ZNF28: variants seen among roughly 807,000 people sequenced by gnomAD.
The protein encoded by ZNF28 is zinc finger protein 28, also known as zinc finger protein KOX24.
A neutral mutation model predicts 7.2 loss-of-function variants in ZNF28; 5 were observed. The observed-to-expected ratio is 0.70, with a 90% CI of 0.36 to 1.46. The LOEUF is 1.46. ZNF28 is among the 40% of genes most tolerant of loss of function. The pLI, the probability that ZNF28 is intolerant of heterozygous loss-of-function variation, is 0.03. For missense variants in ZNF28, 879 were observed against 866.6 expected, an observed-to-expected ratio of 1.01 and a Z score of -0.18; for synonymous variants, 288 against 292.4, an observed-to-expected ratio of 0.99 and a Z score of 0.15.
chr19:52,797,591 A>G lies in ZNF28; in HGVS notation c.*2097T>C, dbSNP rs1051971070. The G allele has an allele frequency of 6.5e-6, 1 of 152,858 alleles. No individual in the cohort carries two copies. The highest frequency in any genetic ancestry group is 1.5e-5 in the Non-Finnish European group (1 of 68,044). 9.5% of individuals were successfully genotyped at this position (152,858 alleles called of 1,614,324 possible). A position where few individuals can be genotyped will look rare whatever the true frequency, so the allele number is the denominator to read the frequency against. ...CATTAAATAATTTTAAAATAAAATT[A>G]AAAACCACTTCCATTTGCTAAAGAG... is the stretch of plus-strand genomic sequence containing the variant. On this transcript the variant is annotated 3_prime_UTR_variant, in exon 4 of 4. Coordinates refer to ENST00000457749, the MANE Select transcript of ZNF28 (RefSeq NM_006969.5).
intron 3 of ZNF28, among the ~76,000 whole-genome samples, chr19:52,806,483 T>G (rs1450172657): frequency 4.6e-5 from 7 of 152,068 alleles, no homozygotes; most frequent in Admixed American, 3.9e-4. Flanking sequence ...TGTCAGCCAC[T>G]GCACACGTCC....
Position 52,812,356 on chromosome 19 carries a change from G to A in ZNF28, c.16-4223C>T, listed in dbSNP as rs541488624. Among the ~76,000 whole-genome samples the A allele has an allele frequency of 5.7e-5, 8 of 141,538 alleles. No homozygotes were observed. The East Asian group carries it at 7.9e-4, about 14-fold the overall frequency. The allele number at this position is 141,538 out of a possible 152,430, so 92.9% of individuals were successfully genotyped here. On this transcript the variant is annotated intron_variant, in intron 2 of 3. Coordinates refer to ENST00000457749, the MANE Select transcript of ZNF28 (RefSeq NM_006969.5). ...AGGGTGGGGAAGAAATTGAGAAATC[G>A]GATGATTGCCGGGTCTGTGTGGATA...
At chr19:52,821,058 G>A (rs1316452950) in intron 1 of ZNF28, among the ~76,000 whole-genome samples, 1 of 152,158 alleles carries the variant, frequency 6.6e-6, no homozygotes, top group Non-Finnish European at 1.5e-5. Flanking sequence ...CCTCTCCAAC[G>A]CGGGCTCAGG....
intron 3 of ZNF28, among the ~76,000 whole-genome samples, chr19:52,803,635 T>C (rs1820048332): frequency 6.6e-6 from 1 of 152,112 alleles, no homozygotes; most frequent in African/African-American, 2.4e-5. Flanking sequence ...CTTTCTGATA[T>C]ATGAGGTCAA....
chr19:52,801,693 G>C lies in ZNF28; in HGVS notation c.152C>G (p.Ser51Cys). ...GAAGAATGTCTTCATCATGCATTTGGAAGAGATATCTACAAAATATAAACA... is the reference window on the plus strand; with the variant it reads ...GAAGAATGTCTTCATCATGCATTTGCAAGAGATATCTACAAAATATAAACA... ...YRNLVSLDIS[S>C]KCMMKTFFST... Residue 51 changes from serine (S) to cysteine (C), a missense_variant, in exon 4 of 4, where the codon TCC becomes TGC. Around this residue, in one of 2 missense-constraint regions of ZNF28, gnomAD observed 864 missense variants for 830.2 expected, o/e 1.04. Coordinates refer to ENST00000457749, the MANE Select transcript of ZNF28 (RefSeq NM_006969.5). 1 of 1,610,868 alleles carries C rather than the reference G, an allele frequency of 6.2e-7. No homozygotes were observed. Among genetic ancestry groups the C allele is most frequent in the Non-Finnish European group, 8.5e-7 (1 of 1,178,636 alleles).
Position 52,802,761 on chromosome 19 carries a change from CTTT to C in ZNF28, c.143-1062_143-1060del, listed in dbSNP as rs11347464. ...TCCATGTGGAACAGGCACGTTGTGA[CTTT>C]TTTTTTTTTTTTTTGCGACGAAATC... On this transcript the variant is annotated intron_variant, in intron 3 of 3. Transcript: ENST00000457749. 7.4e-3 allele frequency among the ~76,000 whole-genome samples: 945 copies of C among 127,554 alleles called. 13 individuals are homozygous for C. Among genetic ancestry groups the C allele is most frequent in the African/African-American group, 0.025 (851 of 33,808 alleles). The allele number at this position is 127,554 out of a possible 152,430, so 83.7% of individuals were successfully genotyped here.
chr19:52,801,400 G>A lies in ZNF28; in HGVS notation c.445C>T (p.Pro149Ser), dbSNP rs377626728. The A allele has an allele frequency of 1.2e-5, 19 of 1,614,050 alleles. No individual in the cohort carries two copies. The African/African-American group carries it at 2.1e-4, about 18-fold the overall frequency. ...QLGLSFHSHLPELHIFQPEGK... is the reference protein window; with the variant it reads ...QLGLSFHSHLSELHIFQPEGK... ...TCAGGCTGAAATATGTGCAGTTCAG[G>A]CAGATGCGAATGAAAGCTTAATCCA... The change falls in exon 4 of 4, where the codon CCT becomes TCT. Residue 149 changes from proline (P) to serine (S), a missense_variant. By Grantham distance (74) the Pro-to-Ser change is moderately conservative. Transcript: ENST00000457749.
chr19:52,817,971 T>G lies in ZNF28; in HGVS notation c.-13A>C. The G allele has an allele frequency of 6.2e-7, 1 of 1,610,888 alleles. No homozygotes were observed. Among genetic ancestry groups the G allele is most frequent in the Non-Finnish European group, 8.5e-7 (1 of 1,179,790 alleles). On this transcript the variant is annotated 5_prime_UTR_variant, in exon 2 of 4. Coordinates refer to ENST00000457749, the MANE Select transcript of ZNF28 (RefSeq NM_006969.5). ...GAGGAAGAGCCATCCCTGACTCCTT[T>G]GCTTTCCTCTTCCTCTTCTGGGTTT...
intron 2 of ZNF28, chr19:52,809,941 C>A: frequency 1.2e-6 from 1 of 854,580 alleles, no homozygotes; most frequent in Non-Finnish European, 1.9e-6. Context: ...GGGGAGGTTG[C>A]CCCGGGGGGC....
rs763803698 is a variant in ZNF28 at position 52,817,982 on chromosome 19, T to C, written c.-24A>G. On this transcript the variant is annotated 5_prime_UTR_variant, in exon 2 of 4. Transcript: ENST00000457749. Reference sequence around the variant, plus strand: ...ATCCCTGACTCCTTTGCTTTCCTCTTCCTCTTCTGGGTTTCTTCCTCACGT... The same window carrying C: ...ATCCCTGACTCCTTTGCTTTCCTCTCCCTCTTCTGGGTTTCTTCCTCACGT... 1.6e-5 allele frequency: 25 copies of C among 1,610,942 alleles called. No homozygotes were observed. In the South Asian group the frequency reaches 2.5e-4, roughly 16 times the overall value.
At chr19:52,811,034 C>T (rs1163699461) in intron 2 of ZNF28, among the ~76,000 whole-genome samples, 9 of 148,286 alleles carry the variant, frequency 6.1e-5, no homozygotes, top group Non-Finnish European at 1.2e-4. Context: ...CGATTGCAGG[C>T]ACGCGCCGCC....
In ZNF28 at chr19:52,815,555, T is replaced by A. The variant is rs1191309700; in HGVS notation, c.15+2389A>T. On this transcript the variant is annotated intron_variant, in intron 2 of 3. Coordinates refer to ENST00000457749, the MANE Select transcript of ZNF28 (RefSeq NM_006969.5). ...AAAAAAAATAACTGTCTGGGCGTGG[T>A]GGCTCACGCCTGTAATCCCAGCACT... is the stretch of plus-strand genomic sequence containing the variant. Among the ~76,000 whole-genome samples the A allele has an allele frequency of 1.4e-5, 2 of 146,310 alleles. 1 individual carries two copies. Among genetic ancestry groups the A allele is most frequent in the African/African-American group, 5.3e-5 (2 of 37,578 alleles).
rs780663234 is a variant in ZNF28, at chr19:52,799,973, G to A, written c.1872C>T (p.Ile624=). Residue 624 remains isoleucine (I), a synonymous_variant, in exon 4 of 4, where the codon ATC becomes ATT. Transcript: ENST00000457749. The part of the protein sequence containing the change: ...KTFRQTSSLI[I]HRRLHTGEKP... ...TCTCTCCAGTATGAAGCCTACGATG[G>A]ATTATAAGCGATGATGTCTGACGGA... The A allele has an allele frequency of 6.2e-7, 1 of 1,611,126 alleles. No individual in the cohort carries two copies. Among genetic ancestry groups the A allele is most frequent in the African/African-American group, 1.3e-5 (1 of 74,308 alleles).
chr19:52,798,175 A>C lies in ZNF28; in HGVS notation c.*1513T>G, dbSNP rs1489671569. 1 of 157,324 alleles carries C rather than the reference A, an allele frequency of 6.4e-6. No individual in the cohort carries two copies. Among genetic ancestry groups the C allele is most frequent in the African/African-American group, 2.4e-5 (1 of 41,436 alleles). 9.7% of individuals were successfully genotyped at this position (157,324 alleles called of 1,614,324 possible). On this transcript the variant is annotated 3_prime_UTR_variant, in exon 4 of 4. Transcript: ENST00000457749. ...AGAAAGAAAGAATAGAAATGAAAAC[A>C]CAGGCTGGGAAAAGTGGCTCCCGTC...
Position 52,800,923 on chromosome 19 carries a change from A to G in ZNF28, c.922T>C (p.Phe308Leu). 1 of 1,614,154 alleles carries G rather than the reference A, an allele frequency of 6.2e-7. No homozygotes were observed. The highest frequency in any genetic ancestry group is 2.2e-5 in the East Asian group (1 of 44,878). The change falls in exon 4 of 4, where the codon TTC (phenylalanine) becomes CTC (leucine). Residue 308 changes from phenylalanine to leucine, a missense_variant. Physicochemically the swap from Phe to Leu is conservative, Grantham distance 22. Around this residue, in one of 2 missense-constraint regions of ZNF28, gnomAD observed 864 missense variants for 830.2 expected, o/e 1.04. Transcript: ENST00000457749. ...GTTTCAAGGTGTGATTTGCGACTGA[A>G]AACTTTGTCACATTCTTCACATTCA... is the stretch of plus-strand genomic sequence containing the variant. ...PYECEECDKVFSRKSHLETHK... is the reference protein window; with the variant it reads ...PYECEECDKVLSRKSHLETHK...
At chr19:52,808,279 T>A (rs2062963372) in intron 2 of ZNF28, 146 bp from the exon 3 acceptor site, 1 of 1,461,614 alleles carries the variant, frequency 6.8e-7, no homozygotes, top group African/African-American at 1.4e-5. Context: ...CATGATGTTT[T>A]TATTATACTT....
Position 52,797,567 on chromosome 19 carries a change from A to T in ZNF28, c.*2121T>A, listed in dbSNP as rs1208898517. On this transcript the variant is annotated 3_prime_UTR_variant, in exon 4 of 4. Coordinates refer to ENST00000457749, the MANE Select transcript of ZNF28 (RefSeq NM_006969.5). ...ATTAGTTGAATTTCCATACATTAACATTAAATAATTTTAAAATAAAATTAA... is the reference window on the plus strand; with the variant it reads ...ATTAGTTGAATTTCCATACATTAACTTTAAATAATTTTAAAATAAAATTAA... The T allele has an allele frequency of 6.6e-6, 1 of 152,368 alleles. No individual in the cohort carries two copies. Among genetic ancestry groups the T allele is most frequent in the African/African-American group, 2.4e-5 (1 of 41,464 alleles). 9.4% of individuals were successfully genotyped at this position (152,368 alleles called of 1,614,324 possible). A position where few individuals can be genotyped will look rare whatever the true frequency, so the allele number is the denominator to read the frequency against.
At position 52,800,246 on chromosome 19, in the gene ZNF28, A is replaced by G. The variant is rs769580216; in HGVS notation, c.1599T>C (p.Ser533=). Residue 533 remains serine (S), a synonymous_variant, in exon 4 of 4, where the codon AGT becomes AGC. Coordinates refer to ENST00000457749, the MANE Select transcript of ZNF28 (RefSeq NM_006969.5). The part of the protein sequence containing the change: ...YMCNECGKVF[S]TKANLACHHK... The stretch of plus-strand genomic sequence containing the variant: ...GATGACATGCAAGGTTTGCTTTTGT[A>G]CTAAAAACCTTGCCACATTCATTAC... The G allele has an allele frequency of 1.9e-6, 3 of 1,613,108 alleles. No homozygotes were observed. The highest frequency in any genetic ancestry group is 4.5e-5 in the East Asian group (2 of 44,652).
At chr19:52,806,352 C>T (rs946396650) in intron 3 of ZNF28, among the ~76,000 whole-genome samples, 7 of 151,980 alleles carry the variant, frequency 4.6e-5, no homozygotes, top group Admixed American at 3.3e-4. Flanking sequence ...CACCACGGCG[C>T]CTGGCTAATT....
Sources: allele counts gnomAD v4.1 joint callset (sites outside exome capture counted in the v4.1 genomes callset), GRCh38; gene constraint gnomAD v4.1.1; regional missense constraint gnomAD v4.1.1; transcripts MANE v1.5; gene names NCBI Gene and HGNC (gene_info 2026-07-23, HGNC 2026-07-21).